Variants in DENND1B observed in about 807,000 individuals in gnomAD.
DENND1B encodes the protein DENN domain-containing protein 1B.
DENND1B carries 59 observed loss-of-function variants against 90.1 expected under a neutral mutation model. The observed-to-expected ratio is 0.65, with a 90% CI of 0.53 to 0.81. The LOEUF (loss-of-function observed/expected upper bound fraction) is 0.81. Among genes scored for constraint, DENND1B ranks in the 40% least tolerant of loss-of-function variants. The pLI is 0.00. For missense variants in DENND1B, 862 were observed against 912.6 expected (o/e 0.94, Z 0.71); for synonymous variants, 337 against 324.6 (o/e 1.04, Z -0.41).
At chr1:197,617,879 A>T in intron 10 of DENND1B, 120 bp from the exon 11 acceptor site, 1 of 700,174 alleles carries the variant, frequency 1.4e-6, no homozygotes. Flanking sequence ...TACATAAATC[A>T]CATTGTCTTT....
chr1:197,691,947 A>G (rs1657931640), intron 3 of DENND1B, among the ~76,000 whole-genome samples: 1 of 151,902 alleles, frequency 6.6e-6, no homozygotes, highest in Non-Finnish European at 1.5e-5. Context: ...GCTGGTTGCC[A>G]GCCAGGGTCC....
intron 18 of DENND1B, among the ~76,000 whole-genome samples, chr1:197,542,524 C>A (rs773332991): frequency 6.6e-6 from 1 of 151,924 alleles, no homozygotes; most frequent in Non-Finnish European, 1.5e-5. Flanking sequence ...GAGTATAAGG[C>A]CTAGTTCACG....
intron 14 of DENND1B, among the ~76,000 whole-genome samples, chr1:197,587,973 G>A (rs534684232): frequency 2.3e-4 from 35 of 152,074 alleles, no homozygotes; most frequent in African/African-American, 8.2e-4. Flanking sequence ...CATAATAGGG[G>A]TTTTGCTCCT....
intron 20 of DENND1B, 89 bp downstream of exon 20, chr1:197,539,875 A>T: frequency 9.0e-7 from 1 of 1,115,686 alleles, no homozygotes; most frequent in South Asian, 1.4e-5. Flanking sequence ...AAGATAAAAA[A>T]TTAGTGGATC....
rs78334484 is a variant in DENND1B at position 197,560,384 on chromosome 1, A to C, written c.1150-7272T>G. Among the ~76,000 whole-genome samples, 729 of 151,924 alleles carry C rather than the reference A, an allele frequency of 4.8e-3. 13 individuals are homozygous for C. The highest frequency in any genetic ancestry group is 0.047 in the East Asian group (242 of 5,136). ...GTAGGGGAAGAGAGTTTTAGCATGA[A>C]ATAAGAAACAACAAATGATGTAGTA... On this transcript the variant is annotated intron_variant, in intron 15 of 22. Transcript: ENST00000620048.
intron 1 of DENND1B, among the ~76,000 whole-genome samples, chr1:197,773,818 T>C (rs6685897): frequency 0.08 from 12,200 of 152,288 alleles, 582 homozygotes; most frequent in Non-Finnish European, 0.098. Context: ...AGGTAAAAGA[T>C]TAAGTCTGTT....
At chr1:197,778,553 T>G (rs908924136), upstream of DENND1B, among the ~76,000 whole-genome samples, 19 of 152,006 alleles carry the variant, frequency 1.2e-4, no homozygotes, top group African/African-American at 4.6e-4. Flanking sequence ...GGTGCAAGCC[T>G]GTAGTCCCAG....
intron 11 of DENND1B, among the ~76,000 whole-genome samples, chr1:197,613,880 T>C (rs1384823714): frequency 6.6e-6 from 1 of 151,050 alleles, no homozygotes; most frequent in Non-Finnish European, 1.5e-5. Flanking sequence ...CAAAGTACAT[T>C]TTAATGAAAG....
intron 2 of DENND1B, among the ~76,000 whole-genome samples, chr1:197,743,990 A>G (rs1663461468): frequency 6.6e-6 from 1 of 152,198 alleles, no homozygotes; most frequent in South Asian, 2.1e-4. Flanking sequence ...AACTCCTCAT[A>G]CATCAAAGTT....
At position 197,681,537 on chromosome 1, in the gene DENND1B, A is replaced by G. The variant is rs77210786; in HGVS notation, c.127-7368T>C. Among the ~76,000 whole-genome samples the G allele has an allele frequency of 5.8e-3, 882 of 152,322 alleles. 9 individuals are homozygous for G. The highest frequency in any genetic ancestry group is 0.02 in the African/African-American group (815 of 41,584). ...TACATAAGGCACTGGCCAGTTTGAG[A>G]AACAGAAGTATTTATTGGTCTCATC... is the stretch of plus-strand genomic sequence containing the variant. On this transcript the variant is annotated intron_variant, in intron 3 of 22. Coordinates refer to ENST00000620048, the MANE Select transcript of DENND1B (RefSeq NM_001195215.2).
At chr1:197,731,617 C>A (rs566574054) in intron 2 of DENND1B, among the ~76,000 whole-genome samples, 1 of 152,126 alleles carries the variant, frequency 6.6e-6, no homozygotes, top group Non-Finnish European at 1.5e-5. Context: ...ACACCAGGGG[C>A]GTCCAATCTT....
chr1:197,580,856 G>T (rs1480921792), intron 15 of DENND1B, among the ~76,000 whole-genome samples: 1 of 152,108 alleles, frequency 6.6e-6, no homozygotes, highest in Non-Finnish European at 1.5e-5. Context: ...ACTAGGCTTT[G>T]TCTCCTGTAC....
At chr1:197,595,817 T>A (rs1185542707) in intron 13 of DENND1B, among the ~76,000 whole-genome samples, 1 of 152,134 alleles carries the variant, frequency 6.6e-6, no homozygotes, top group East Asian at 1.9e-4. Context: ...GTTTTTGTCA[T>A]TATGAGATAA....
At chr1:197,597,033 G>C (rs1386949243) in intron 13 of DENND1B, among the ~76,000 whole-genome samples, 1 of 151,252 alleles carries the variant, frequency 6.6e-6, no homozygotes, top group Non-Finnish European at 1.5e-5. Flanking sequence ...CCCCATAGCT[G>C]TGATCTTTTC....
intron 6 of DENND1B, 131 bp downstream of exon 6, chr1:197,658,169 G>T: frequency 1.3e-6 from 1 of 745,716 alleles, no homozygotes; most frequent in South Asian, 1.6e-5. Flanking sequence ...AAGATGTATG[G>T]TATTGATGAT....
rs148802896 is a variant in DENND1B at position 197,580,029 on chromosome 1, T to C, written c.1149+3123A>G. On this transcript the variant is annotated intron_variant, in intron 15 of 22. Transcript: ENST00000620048. The stretch of plus-strand genomic sequence containing the variant: ...AGTTTCATCTGTTGTTTCTGCTAGC[T>C]CTCATTTATAATTTCTTTCATTGTA... Among the ~76,000 whole-genome samples, 12 of 151,122 alleles carry C rather than the reference T, an allele frequency of 7.9e-5. No homozygotes were observed. In the East Asian group the frequency reaches 2.3e-3, roughly 29 times the overall value.
upstream of DENND1B, among the ~76,000 whole-genome samples, chr1:197,777,438 A>G (rs1657324914): frequency 2.6e-5 from 4 of 152,224 alleles, no homozygotes; most frequent in African/African-American, 7.2e-5. Context: ...GAAGAGATTT[A>G]TCTGTTCTGT....
At chr1:197,658,240 G>T in intron 6 of DENND1B, 60 bp downstream of exon 6, 1 of 1,327,554 alleles carries the variant, frequency 7.5e-7, no homozygotes, top group Non-Finnish European at 1.1e-6. Context: ...TGGTTAAAAT[G>T]GTAAGTTTTG....
At chr1:197,691,267 A>C (rs1428904365) in intron 3 of DENND1B, among the ~76,000 whole-genome samples, 1 of 152,026 alleles carries the variant, frequency 6.6e-6, no homozygotes, top group Non-Finnish European at 1.5e-5. Flanking sequence ...CAGCAAAAAA[A>C]AAAAAAAAGA....
Sources: allele counts gnomAD v4.1 joint callset (sites outside exome capture counted in the v4.1 genomes callset), GRCh38; gene constraint gnomAD v4.1.1; transcripts MANE v1.5; gene names NCBI Gene and HGNC (gene_info 2026-07-23, HGNC 2026-07-21).